ANK2: variants seen among roughly 807,000 people sequenced by gnomAD.
ANK2 encodes ankyrin-2.
A neutral mutation model predicts 360.5 loss-of-function variants in ANK2; 83 were observed. That is an observed-to-expected ratio of 0.23 (90% CI 0.19 to 0.28). The LOEUF is 0.28. Ranked by LOEUF, ANK2 falls within the 10% of genes least tolerant of loss-of-function variation. ANK2 has a pLI of 1.00. For missense variants in ANK2, 4,201 were observed against 4,795.7 expected (o/e 0.88, Z 3.66); for synonymous variants, 1,740 against 1,759.5 (o/e 0.99, Z 0.28).
At chr4:112,932,229 T>C (rs1338678727) in intron 2 of ANK2, among the ~76,000 whole-genome samples, 1 of 152,188 alleles carries the variant, frequency 6.6e-6, no homozygotes, top group Non-Finnish European at 1.5e-5. Flanking sequence ...TGTTGGCTTA[T>C]GCCTGTAATC....
intron 10 of ANK2, among the ~76,000 whole-genome samples, chr4:113,251,685 T>A (rs2046508652): frequency 6.6e-6 from 1 of 151,794 alleles, no homozygotes; most frequent in Non-Finnish European, 1.5e-5. Context: ...GGTTTCACCG[T>A]GTTAGCCAGG....
intron 25 of ANK2, 100 bp downstream of exon 25, chr4:113,317,909 T>G (rs932737947): frequency 3.2e-6 from 3 of 951,120 alleles, no homozygotes; most frequent in Admixed American, 4.0e-5. Context: ...CCCCCCAAAA[T>G]CATTCCCAAT....
the ANK2 span, among the ~76,000 whole-genome samples, chr4:112,803,933 G>A: frequency 3.3e-5 from 5 of 151,718 alleles, no homozygotes; most frequent in East Asian, 9.7e-4. Context: ...TAGCCAAATA[G>A]TGTAATAGAG....
the ANK2 span, among the ~76,000 whole-genome samples, chr4:112,784,084 T>C: frequency 1.3e-5 from 2 of 152,208 alleles, no homozygotes; most frequent in Non-Finnish European, 2.9e-5. Context: ...TACCTACTGA[T>C]GGACATTTTG....
intron 26 of ANK2, among the ~76,000 whole-genome samples, chr4:113,320,221 G>T (rs2085314643): frequency 6.6e-6 from 1 of 152,064 alleles, no homozygotes. Context: ...AGTTAAAGAT[G>T]AATTATGTGT....
At chr4:112,811,113 AT>A in the ANK2 span, among the ~76,000 whole-genome samples, 5 of 149,942 alleles carry the variant, frequency 3.3e-5, no homozygotes, top group Non-Finnish European at 4.4e-5. Context: ...TTTTTTTTGT[AT>A]TTTTAGTAGC....
At chr4:113,320,355 T>TA (rs2153854227) in intron 26 of ANK2, among the ~76,000 whole-genome samples, 1 of 152,232 alleles carries the variant, frequency 6.6e-6, no homozygotes, top group South Asian at 2.1e-4. Flanking sequence ...CTAGGAGCTT[T>TA]AAAAAATACT....
intron 1 of ANK2, among the ~76,000 whole-genome samples, chr4:113,136,368 A>G (rs1402939545): frequency 6.6e-6 from 1 of 152,136 alleles, no homozygotes; most frequent in Non-Finnish European, 1.5e-5. Context: ...TCCAGAGGAA[A>G]TTTCAAGGGA....
chr4:113,008,723 A>G (rs1036535736), intron 2 of ANK2, among the ~76,000 whole-genome samples: 9 of 152,046 alleles, frequency 5.9e-5, no homozygotes, highest in African/African-American at 2.2e-4. Context: ...TTAGTGGGAT[A>G]TTTTATTATT....
chr4:113,353,467 G>T lies in ANK2; in HGVS notation c.4849G>T (p.Val1617Leu), dbSNP rs2095542305. ...TTTAGAAATCACTGAATATCCATGT[G>T]TAGAAGTTAGAATAGATAAAGAGAT... ...APLEITEYPC[V>L]EVRIDKEIKG... Residue 1617 changes from valine (V) to leucine (L), a missense_variant, in exon 38 of 46, where the codon GTA (valine) becomes TTA (leucine). By Grantham distance (32) the Val-to-Leu change is conservative. Coordinates refer to ENST00000357077, the MANE Select transcript of ANK2 (RefSeq NM_001148.6). 1 of 1,613,944 alleles carries T rather than the reference G, an allele frequency of 6.2e-7. No individual in the cohort carries two copies. Among genetic ancestry groups the T allele is most frequent in the Admixed American group, 1.7e-5 (1 of 59,998 alleles).
chr4:113,274,306 TATGCC>T, intron 14 of ANK2, 141 bp from the exon 15 acceptor site: 1 of 906,480 alleles, frequency 1.1e-6, no homozygotes. Context: ...AAATATAAAA[TATGCC>T]ATGGTTAAAG....
At chr4:112,788,303 A>T in the ANK2 span, 21 of 1,570,488 alleles carry the variant, frequency 1.3e-5, no homozygotes, top group Non-Finnish European at 1.6e-5. Context: ...CTTCCTGTGG[A>T]CGAGACGTCC....
chr4:113,312,592 G>A (rs994830981), intron 24 of ANK2, among the ~76,000 whole-genome samples: 9 of 152,092 alleles, frequency 5.9e-5, no homozygotes, highest in Admixed American at 5.9e-4. Flanking sequence ...TACACATAGA[G>A]TGCCACTGAA....
chr4:112,957,034 A>ATTTTTTTTTTTTTTTTTT (rs2095369456), intron 2 of ANK2, among the ~76,000 whole-genome samples: 2 of 79,212 alleles, frequency 2.5e-5, no homozygotes, highest in Non-Finnish European at 5.0e-5. Flanking sequence ...TTTTTTTTTA[A>ATTTTTTTTTTTTTTTTTT]TTGATCATTC....
At chr4:112,839,743 A>T (rs566127100) in intron 1 of ANK2, among the ~76,000 whole-genome samples, 1 of 152,356 alleles carries the variant, frequency 6.6e-6, no homozygotes, top group Non-Finnish European at 1.5e-5. Context: ...GTCAGTTCAG[A>T]TGTCAATGAC....
At position 113,255,949 on chromosome 4, in the gene ANK2, C is replaced by T. The variant is rs2049051027; in HGVS notation, c.1188+17C>T. The T allele has an allele frequency of 1.9e-6, 3 of 1,611,472 alleles. No homozygotes were observed. The highest frequency in any genetic ancestry group is 2.5e-6 in the Non-Finnish European group (3 of 1,177,850). ...AGAGCCCTGGTAAACTTGGCCCAGT[C>T]CACATTAACTGAATACAGATTGAGA... On this transcript the variant is annotated intron_variant, in intron 11 of 45. Transcript: ENST00000357077.
At chr4:113,378,186 G>A in intron 45 of ANK2, 1 of 1,232,430 alleles carries the variant, frequency 8.1e-7, no homozygotes, top group Non-Finnish European at 1.1e-6. Flanking sequence ...TAAAAGGTTT[G>A]GGTTAGCATG....
chr4:112,823,459 G>C (rs2057670672), intron 1 of ANK2, among the ~76,000 whole-genome samples: 1 of 151,124 alleles, frequency 6.6e-6, no homozygotes, highest in Admixed American at 6.6e-5. Flanking sequence ...GGTTATGGAG[G>C]AAAGAAAAAA....
intron 1 of ANK2, among the ~76,000 whole-genome samples, chr4:113,168,142 T>A (rs1477195257): frequency 2.0e-5 from 3 of 152,208 alleles, no homozygotes; most frequent in African/African-American, 7.2e-5. Flanking sequence ...TGATATAATT[T>A]AGCTAGTGTG....
Sources: allele counts gnomAD v4.1 joint callset (sites outside exome capture counted in the v4.1 genomes callset), GRCh38; gene constraint gnomAD v4.1.1; transcripts MANE v1.5; gene names NCBI Gene and HGNC (gene_info 2026-07-23, HGNC 2026-07-21).